The following SLC6A16 variants were observed in gnomAD, a reference collection of about 807,000 sequenced individuals.
The protein encoded by SLC6A16 is solute carrier family 6 member 16.
A neutral mutation model predicts 65.4 loss-of-function variants in SLC6A16; 54 were observed. The observed-to-expected ratio is 0.83, with a 90% CI of 0.66 to 1.04. The LOEUF (loss-of-function observed/expected upper bound fraction) is 1.04, where lower values mean the gene tolerates loss of function less well. Among genes scored for constraint, SLC6A16 ranks in the 50% least tolerant of loss-of-function variants. The pLI, the probability that SLC6A16 is intolerant of heterozygous loss-of-function variation, is 0.00. For missense variants in SLC6A16, 816 were observed against 914.0 expected, an observed-to-expected ratio of 0.89 and a Z score of 1.38; for synonymous variants, 330 against 346.5, an observed-to-expected ratio of 0.95 and a Z score of 0.53.
intron 7 of SLC6A16, among the ~76,000 whole-genome samples, chr19:49,307,358 G>A (rs1970410813): frequency 6.6e-6 from 1 of 151,844 alleles, no homozygotes; most frequent in Non-Finnish European, 1.5e-5. Context: ...TCCCTGATGG[G>A]AGGGCAATGC....
At chr19:49,314,687 T>A (rs901145398) in intron 1 of SLC6A16, among the ~76,000 whole-genome samples, 1 of 152,138 alleles carries the variant, frequency 6.6e-6, no homozygotes, top group Non-Finnish European at 1.5e-5. Context: ...TCACCTGATA[T>A]CATATAACTC....
chr19:49,339,530 C>A, the SLC6A16 span: 2 of 1,468,740 alleles, frequency 1.4e-6, no homozygotes, highest in Non-Finnish European at 1.8e-6. This position sits in a 1 kb window ranked among gnomAD's most constrained non-coding sequence, Gnocchi z 4.5. Flanking sequence ...CGCAGCCCAC[C>A]CCGGCCCTCC....
chr19:49,336,869 G>A, the SLC6A16 span: 3 of 1,609,968 alleles, frequency 1.9e-6, no homozygotes, highest in Non-Finnish European at 2.5e-6. Flanking sequence ...GCCTGGAGCT[G>A]TGCCACACAG....
intron 1 of SLC6A16, among the ~76,000 whole-genome samples, chr19:49,313,625 C>CAAAAAAAAAAAAAAAAA (rs902187308): frequency 2.1e-5 from 1 of 47,386 alleles, no homozygotes. Context: ...ACTAAAAATG[C>CAAAAAAAAAAAAAAAAA]AAAAAAAAAA....
Position 49,309,032 on chromosome 19 carries a change from G to A in SLC6A16, c.1073C>T (p.Ala358Val), listed in dbSNP as rs1321754962. ...CTGGGGCATGTAGGAGGCTAAGGAG[G>A]CAACGGAGCCAAGGCCTATGCCTGT... ...SNTGIGLGSV[A>V]SLASYMPQSN... Residue 358 changes from alanine (A) to valine (V), a missense_variant, in exon 7 of 12, where the codon GCC becomes GTC. Ala to Val is a moderately conservative substitution (Grantham distance 64, BLOSUM62 0). Transcript: ENST00000335875. 6.2e-7 allele frequency: 1 copy of A among 1,614,200 alleles called. No homozygotes were observed. Among genetic ancestry groups the A allele is most frequent in the South Asian group, 1.1e-5 (1 of 91,084 alleles).
chr19:49,334,917 C>G, the SLC6A16 span, among the ~76,000 whole-genome samples: 2 of 151,848 alleles, frequency 1.3e-5, no homozygotes, highest in Non-Finnish European at 2.9e-5. Flanking sequence ...TAAAGAAACA[C>G]AGAGAGAGGG....
intron 1 of SLC6A16, among the ~76,000 whole-genome samples, chr19:49,322,847 T>C (rs1321228487): frequency 7.6e-6 from 1 of 130,784 alleles, no homozygotes; most frequent in African/African-American, 2.9e-5. Flanking sequence ...TTTTTTTTTT[T>C]TTTTTTTTTT....
At chr19:49,338,026 C>T in the SLC6A16 span, 11 of 1,613,772 alleles carry the variant, frequency 6.8e-6, no homozygotes, top group East Asian at 2.5e-4. This position sits in a 1 kb window ranked among gnomAD's most constrained non-coding sequence, Gnocchi z 5.0. Flanking sequence ...ATGTGCAGTT[C>T]CAGGTAAGCC....
At chr19:49,305,225 T>C (rs1970360342) in intron 7 of SLC6A16, among the ~76,000 whole-genome samples, 1 of 152,162 alleles carries the variant, frequency 6.6e-6, no homozygotes. Flanking sequence ...AGAGGCCTCA[T>C]GGAAGAGAGC....
the SLC6A16 span, chr19:49,339,277 TG>T: frequency 2.6e-6 from 4 of 1,523,552 alleles, no homozygotes; most frequent in South Asian, 4.5e-5. This position sits in a 1 kb window ranked among gnomAD's most constrained non-coding sequence, Gnocchi z 4.5. Flanking sequence ...ACGCTGGGCC[TG>T]GGCTTGAGAG....
the SLC6A16 span, among the ~76,000 whole-genome samples, chr19:49,334,223 C>T: frequency 1.3e-5 from 2 of 152,208 alleles, no homozygotes; most frequent in Non-Finnish European, 2.9e-5. Context: ...GTGGCTCACG[C>T]CCATAATCCC....
At chr19:49,335,716 C>G in the SLC6A16 span, 1 of 1,614,004 alleles carries the variant, frequency 6.2e-7, no homozygotes, top group East Asian at 2.2e-5. The surrounding 1 kb of genome is among the most constrained non-coding windows in gnomAD (Gnocchi z 4.6). Flanking sequence ...CTCCCCAGGT[C>G]CTCGGCAGCC....
At chr19:49,323,148 G>A (rs979451844) in intron 1 of SLC6A16, among the ~76,000 whole-genome samples, 2 of 152,004 alleles carry the variant, frequency 1.3e-5, no homozygotes, top group African/African-American at 4.8e-5. Context: ...ATGGTGCTGG[G>A]AAAACTGGAT....
the SLC6A16 span, chr19:49,331,840 A>C: frequency 6.6e-6 from 3 of 456,814 alleles, no homozygotes; most frequent in Non-Finnish European, 1.3e-5. Context: ...TGCCTAGGAA[A>C]GAAGAAACCA....
the SLC6A16 span, among the ~76,000 whole-genome samples, chr19:49,334,212 A>G: frequency 6.6e-6 from 1 of 152,354 alleles, no homozygotes; most frequent in Non-Finnish European, 1.5e-5. Context: ...GGCTGGGCAC[A>G]GTGGCTCACG....
At chr19:49,314,238 C>T (rs1293797137) in intron 1 of SLC6A16, among the ~76,000 whole-genome samples, 3 of 151,992 alleles carry the variant, frequency 2.0e-5, no homozygotes, top group Admixed American at 6.6e-5. Flanking sequence ...ATCAGAACAT[C>T]AAAATAAAGA....
rs377671438 is a variant in SLC6A16 at position 49,290,258 on chromosome 19, G to A, written c.2076C>T (p.Ser692=). The A allele has an allele frequency of 7.7e-5, 125 of 1,613,966 alleles. No individual in the cohort carries two copies. The highest frequency in any genetic ancestry group is 1.6e-4 in the Middle Eastern group (1 of 6,084). The change falls in exon 12 of 12, where the codon AGC becomes AGT. Residue 692 remains serine, a synonymous_variant. Coordinates refer to ENST00000335875, the MANE Select transcript of SLC6A16 (RefSeq NM_014037.3). ...RIHRIPFRPK[S]GDGPMTASTS... ...TGGAGGCTGTCATAGGCCCGTCTCCGCTCTTGGGCCTGAAGGGAATCCTAT... is the reference window on the plus strand; with the variant it reads ...TGGAGGCTGTCATAGGCCCGTCTCCACTCTTGGGCCTGAAGGGAATCCTAT...
chr19:49,306,735 G>A (rs919921600), intron 7 of SLC6A16, among the ~76,000 whole-genome samples: 2 of 151,606 alleles, frequency 1.3e-5, no homozygotes, highest in Non-Finnish European at 2.9e-5. Flanking sequence ...GTAGAGATGG[G>A]GTTTCACCAT....
At chr19:49,321,453 G>T (rs906422124) in intron 1 of SLC6A16, among the ~76,000 whole-genome samples, 1 of 152,018 alleles carries the variant, frequency 6.6e-6, no homozygotes, top group Admixed American at 6.6e-5. Flanking sequence ...GACCAGCCTG[G>T]GGCCAGGTGC....
Sources: gnomAD v4.1 joint callset for allele counts (sites outside exome capture counted in the v4.1 genomes callset) on GRCh38, gnomAD v4.1.1 for gene constraint, Gnocchi (gnomAD v3.1) non-coding constraint, MANE v1.5 for transcripts, NCBI Gene and HGNC (gene_info 2026-07-23, HGNC 2026-07-21) for gene names.